The following ERBB4 variants were observed in gnomAD, a reference collection of about 807,000 sequenced individuals.
ERBB4 encodes the protein erb-b2 receptor tyrosine kinase 4.
In ERBB4, 42 loss-of-function variants were observed where a neutral mutation model predicts 158.0. The observed-to-expected ratio is 0.27, with a 90% confidence interval of 0.21 to 0.34. The LOEUF (loss-of-function observed/expected upper bound fraction) is 0.34. Ranked by LOEUF, ERBB4 falls within the 10% of genes least tolerant of loss-of-function variation. The pLI is 1.00. For missense variants in ERBB4, 1,333 were observed against 1,624.1 expected (o/e 0.82, Z 3.08); for synonymous variants, 583 against 558.7 (o/e 1.04, Z -0.61).
intron 1 of ERBB4, among the ~76,000 whole-genome samples, chr2:212,263,383 A>G (rs1197900979): frequency 6.6e-6 from 1 of 152,196 alleles, no homozygotes; most frequent in East Asian, 1.9e-4. Flanking sequence ...CAAATTGGTT[A>G]GCATGACAGT....
intron 1 of ERBB4, among the ~76,000 whole-genome samples, chr2:212,474,400 T>C (rs139143623): frequency 6.6e-6 from 1 of 152,254 alleles, no homozygotes; most frequent in Non-Finnish European, 1.5e-5. Context: ...TAACTTCATA[T>C]TGTGTTGGCA....
intron 1 of ERBB4, among the ~76,000 whole-genome samples, chr2:212,301,141 T>C (rs113445183): frequency 6.6e-6 from 1 of 151,116 alleles, no homozygotes; most frequent in African/African-American, 2.4e-5. Context: ...TTTTTAGCAC[T>C]TTCAAAACAT....
At chr2:212,270,128 G>A (rs926768799) in intron 1 of ERBB4, among the ~76,000 whole-genome samples, 3 of 151,726 alleles carry the variant, frequency 2.0e-5, no homozygotes, top group African/African-American at 7.3e-5. Context: ...ATCTGTGTCA[G>A]AACTGTCATT....
chr2:211,598,591 G>A (rs2068707424), intron 19 of ERBB4, among the ~76,000 whole-genome samples: 1 of 152,136 alleles, frequency 6.6e-6, no homozygotes, highest in African/African-American at 2.4e-5. Context: ...CAGAAGAAAG[G>A]CTTTTGGAAG....
chr2:211,910,708 G>T (rs1258600903), intron 3 of ERBB4, among the ~76,000 whole-genome samples: 2 of 152,004 alleles, frequency 1.3e-5, no homozygotes, highest in Non-Finnish European at 2.9e-5. Flanking sequence ...AACGGCATTT[G>T]TACCCCTAAA....
chr2:211,884,140 A>G (rs1456158802), intron 3 of ERBB4, among the ~76,000 whole-genome samples: 5 of 152,190 alleles, frequency 3.3e-5, no homozygotes, highest in Non-Finnish European at 5.9e-5. Flanking sequence ...TATTACGTTT[A>G]AACACCTGCA....
chr2:211,974,668 T>A (rs2081552964), intron 2 of ERBB4, among the ~76,000 whole-genome samples: 1 of 152,136 alleles, frequency 6.6e-6, no homozygotes, highest in African/African-American at 2.4e-5. Context: ...GGTGGGAGCA[T>A]CTCTGGAGCC....
intron 1 of ERBB4, among the ~76,000 whole-genome samples, chr2:212,142,627 T>G (rs1378657140): frequency 1.4e-5 from 2 of 147,792 alleles, no homozygotes; most frequent in Non-Finnish European, 3.0e-5. Flanking sequence ...ATATAATATA[T>G]ATAAATATTA....
chr2:211,772,860 T>C (rs1472762174), intron 4 of ERBB4, among the ~76,000 whole-genome samples: 12 of 69,070 alleles, frequency 1.7e-4, no homozygotes, highest in South Asian at 6.8e-4. Context: ...TATATATATA[T>C]ATATATATAC....
intron 25 of ERBB4, among the ~76,000 whole-genome samples, chr2:211,394,822 A>C (rs1234172673): frequency 6.6e-6 from 1 of 151,782 alleles, no homozygotes; most frequent in Non-Finnish European, 1.5e-5. Flanking sequence ...GAAGACAAAA[A>C]CCCCACAGAC....
intron 4 of ERBB4, among the ~76,000 whole-genome samples, chr2:211,782,171 C>T (rs1441310011): frequency 6.6e-6 from 1 of 152,178 alleles, no homozygotes; most frequent in African/African-American, 2.4e-5. Flanking sequence ...CCCCTCTCTC[C>T]TTCAAGCTTC....
At chr2:212,147,248 C>A (rs2080714226) in intron 1 of ERBB4, among the ~76,000 whole-genome samples, 1 of 144,568 alleles carries the variant, frequency 6.9e-6, no homozygotes, top group Non-Finnish European at 1.5e-5. Context: ...TCAAGCCATC[C>A]ACCTGCCTAG....
intron 20 of ERBB4, among the ~76,000 whole-genome samples, chr2:211,507,980 A>C (rs554572461): frequency 9.2e-5 from 14 of 152,172 alleles, no homozygotes; most frequent in Non-Finnish European, 1.9e-4. Context: ...TACACAAATT[A>C]ACTCAAGATG....
chr2:211,604,960 T>C (rs2068931223), intron 19 of ERBB4, among the ~76,000 whole-genome samples: 1 of 152,136 alleles, frequency 6.6e-6, no homozygotes, highest in African/African-American at 2.4e-5. Flanking sequence ...TAATAGGAAG[T>C]TCTTAAATAC....
At chr2:212,373,951 C>CCATATATATCCAT in intron 1 of ERBB4, among the ~76,000 whole-genome samples, 1 of 35,180 alleles carries the variant, frequency 2.8e-5, no homozygotes, top group East Asian at 3.4e-4. Context: ...ATATATATAT[C>CCATATATATCCAT]ATATATATAT....
chr2:211,618,652 G>A (rs563244131), intron 19 of ERBB4, among the ~76,000 whole-genome samples: 1 of 152,150 alleles, frequency 6.6e-6, no homozygotes, highest in South Asian at 2.1e-4. Flanking sequence ...TGAGGAATAA[G>A]TAAATTATTA....
At chr2:211,726,155 T>C (rs893510573) in intron 5 of ERBB4, among the ~76,000 whole-genome samples, 2 of 152,202 alleles carry the variant, frequency 1.3e-5, no homozygotes, top group Admixed American at 6.5e-5. Flanking sequence ...TTTCTTCCTA[T>C]ATTTTCAAAC....
chr2:212,086,931 G>T (rs2078631829), intron 2 of ERBB4, among the ~76,000 whole-genome samples: 1 of 151,932 alleles, frequency 6.6e-6, no homozygotes, highest in Non-Finnish European at 1.5e-5. Flanking sequence ...TAGGGTTACT[G>T]GGAGGCTTCC....
intron 1 of ERBB4, among the ~76,000 whole-genome samples, chr2:212,228,363 G>T (rs1471455464): frequency 1.3e-5 from 2 of 152,166 alleles, no homozygotes; most frequent in Non-Finnish European, 2.9e-5. Flanking sequence ...AGCCTCCTCA[G>T]AGAACTCACC....
Sources: allele counts gnomAD v4.1 joint callset (sites outside exome capture counted in the v4.1 genomes callset), GRCh38; gene constraint gnomAD v4.1.1; transcripts MANE v1.5; gene names NCBI Gene and HGNC (gene_info 2026-07-23, HGNC 2026-07-21).